GYPB: variants seen among roughly 807,000 people sequenced by gnomAD.
The protein encoded by GYPB is glycophorin B (MNS blood group), also known as glycophorin-B.
In GYPB, 13 loss-of-function variants were observed where a neutral mutation model predicts 15.3. The observed-to-expected ratio is 0.85, with a 90% CI of 0.55 to 1.35. The LOEUF is 1.35. GYPB is among the 40% of genes most tolerant of loss of function. GYPB has a pLI of 0.00. For missense variants in GYPB, 131 were observed against 108.3 expected, an observed-to-expected ratio of 1.21 and a Z score of -0.93; for synonymous variants, 38 against 36.9, an observed-to-expected ratio of 1.03 and a Z score of -0.11.
At chr4:143,996,050 G>T (rs1727292115), downstream of GYPB, 2 of 1,060,112 alleles carry the variant, frequency 1.9e-6, no homozygotes, top group South Asian at 1.8e-5. Flanking sequence ...ACTGTAATGG[G>T]CTTTACATTT....
At chr4:144,003,004 C>T (rs538136795) in intron 1 of GYPB, among the ~76,000 whole-genome samples, 2 of 151,344 alleles carry the variant, frequency 1.3e-5, no homozygotes, top group African/African-American at 4.9e-5. Flanking sequence ...TTGTTCAGCA[C>T]TCAGGTATAA....
intron 1 of GYPB, among the ~76,000 whole-genome samples, chr4:144,007,497 G>A (rs1447856337): frequency 1.3e-5 from 2 of 151,060 alleles, no homozygotes; most frequent in African/African-American, 4.9e-5. Context: ...TTTTATCCTG[G>A]CTCTGTACTA....
At chr4:143,997,093 G>A (rs1264600436) in intron 4 of GYPB, among the ~76,000 whole-genome samples, 1 of 150,922 alleles carries the variant, frequency 6.6e-6, no homozygotes, top group Non-Finnish European at 1.5e-5. Context: ...TTTTTGTATA[G>A]ACTAGGTTTC....
At chr4:143,995,594 T>C (rs890855227), downstream of GYPB, among the ~76,000 whole-genome samples, 31 of 151,268 alleles carry the variant, frequency 2.0e-4, no homozygotes, top group Middle Eastern at 3.4e-3. Context: ...TCTGCTGTGT[T>C]CTGGAGGTGA....
At chr4:144,005,060 T>G (rs1177845078) in intron 1 of GYPB, among the ~76,000 whole-genome samples, 74 of 151,948 alleles carry the variant, frequency 4.9e-4, no homozygotes, top group Non-Finnish European at 8.2e-4. Flanking sequence ...TGTAGCTAAA[T>G]TAGCTTTCAA....
intron 1 of GYPB, among the ~76,000 whole-genome samples, chr4:144,005,130 A>G (rs1209533226): frequency 2.0e-5 from 3 of 151,976 alleles, no homozygotes; most frequent in Non-Finnish European, 2.9e-5. Flanking sequence ...TGTTGAATTC[A>G]GAAGGTACAT....
chr4:144,004,602 T>C (rs1727798433), intron 1 of GYPB, among the ~76,000 whole-genome samples: 1 of 46,682 alleles, frequency 2.1e-5, no homozygotes, highest in Non-Finnish European at 4.2e-5. Context: ...AGCATCTGGT[T>C]GAAAAAAAAA....
intron 1 of GYPB, among the ~76,000 whole-genome samples, chr4:144,016,227 G>A (rs1467329195): frequency 1.3e-5 from 2 of 149,200 alleles, no homozygotes; most frequent in Non-Finnish European, 2.9e-5. Context: ...ACCTGCAGGG[G>A]TATGAGTCAG....
At chr4:144,014,886 A>G (rs1397411257) in intron 1 of GYPB, among the ~76,000 whole-genome samples, 1 of 151,524 alleles carries the variant, frequency 6.6e-6, no homozygotes, top group Non-Finnish European at 1.5e-5. Flanking sequence ...TATTATTCAG[A>G]ACCTGCCTAT....
At chr4:144,018,826 C>A (rs566436410) in intron 1 of GYPB, among the ~76,000 whole-genome samples, 1 of 150,984 alleles carries the variant, frequency 6.6e-6, no homozygotes, top group South Asian at 2.1e-4. Flanking sequence ...GGCTTCTCAC[C>A]ATTTGGCAGA....
At chr4:144,000,666 T>C (rs1469836393) in intron 2 of GYPB, among the ~76,000 whole-genome samples, 1 of 151,244 alleles carries the variant, frequency 6.6e-6, no homozygotes, top group Non-Finnish European at 1.5e-5. Flanking sequence ...TTGCTTATTG[T>C]TTATCAGTCA....
chr4:144,014,446 A>G (rs1301790074), intron 1 of GYPB, among the ~76,000 whole-genome samples: 1 of 151,814 alleles, frequency 6.6e-6, no homozygotes, highest in East Asian at 1.9e-4. Context: ...ACACAATGGA[A>G]TAACATTTAT....
Position 144,001,293 on chromosome 4 carries a change from A to G in GYPB, c.38-10T>C. ...GATATGCTCACAATTTCTGTATAAA[A>G]TAGAAGTTGAGAAAGGGATTAAGAA... On this transcript the variant is annotated splice_polypyrimidine_tract_variant and intron_variant, in intron 1 of 4. Transcript: ENST00000502664. 1.2e-6 allele frequency: 2 copies of G among 1,612,878 alleles called. No homozygotes were observed. The highest frequency in any genetic ancestry group is 1.7e-6 in the Non-Finnish European group (2 of 1,179,802).
At chr4:144,005,494 T>G (rs1461523076) in intron 1 of GYPB, among the ~76,000 whole-genome samples, 5 of 152,026 alleles carry the variant, frequency 3.3e-5, no homozygotes, top group Non-Finnish European at 5.9e-5. Context: ...TTTTCCACAC[T>G]AATTTATTGT....
At chr4:144,012,577 A>G (rs1041905427) in intron 1 of GYPB, 1 of 151,566 alleles carries the variant, frequency 6.6e-6, no homozygotes, top group Non-Finnish European at 1.5e-5. Context: ...AAAACTTATA[A>G]CCAAGTAACA....
intron 1 of GYPB, among the ~76,000 whole-genome samples, chr4:144,017,561 A>G (rs1728570911): frequency 6.6e-6 from 1 of 150,918 alleles, no homozygotes; most frequent in Admixed American, 6.6e-5. Context: ...TGACCTCTTT[A>G]TCAAGTGCCA....
In GYPB at chr4:143,996,740, C is replaced by T. The variant is rs998684875; in HGVS notation, c.271-436G>A. 1.4e-4 allele frequency among the ~76,000 whole-genome samples: 21 copies of T among 149,676 alleles called. 1 individual carries two copies. The highest frequency in any genetic ancestry group is 4.8e-4 in the African/African-American group (19 of 39,576). On this transcript the variant is annotated intron_variant, in intron 4 of 4. Coordinates refer to ENST00000502664, the MANE Select transcript of GYPB (RefSeq NM_002100.6). ...AGCAGAGATTGCGCCACTTTGCACT[C>T]GAGCCTGGGTGACAGAGGGAAACTC...
rs189083765 is a variant in GYPB, at chr4:144,018,656, C to G, written c.37+595G>C. ...TGAATTAATACAATTTAATAATGAC[C>G]CTATGATATTTATTTTAATGGATTT... On this transcript the variant is annotated intron_variant, in intron 1 of 4. Coordinates refer to ENST00000502664, the MANE Select transcript of GYPB (RefSeq NM_002100.6). Among the ~76,000 whole-genome samples, 1,434 of 150,430 alleles carry G rather than the reference C, an allele frequency of 9.5e-3. 17 individuals are homozygous for G. The highest frequency in any genetic ancestry group is 0.014 in the Non-Finnish European group (920 of 67,792).
chr4:144,010,772 A>G (rs2149966335), intron 1 of GYPB, among the ~76,000 whole-genome samples: 1 of 151,504 alleles, frequency 6.6e-6, no homozygotes, highest in South Asian at 2.1e-4. Context: ...TATCCAGCTT[A>G]TCTAGCTCCA....
Sources: allele counts gnomAD v4.1 joint callset (sites outside exome capture counted in the v4.1 genomes callset), GRCh38; gene constraint gnomAD v4.1.1; transcripts MANE v1.5; gene names NCBI Gene and HGNC (gene_info 2026-07-23, HGNC 2026-07-21).